Variants in C19orf38 observed in about 807,000 individuals in gnomAD.
The protein encoded by C19orf38 is chromosome 19 open reading frame 38.
Under a neutral mutation model 26.6 loss-of-function variants are expected in C19orf38, and 14 were observed. The observed-to-expected ratio is 0.53, with a 90% CI of 0.35 to 0.82. The LOEUF (loss-of-function observed/expected upper bound fraction) is 0.82, where lower values mean the gene tolerates loss of function less well. C19orf38 is among the 40% of genes least tolerant of loss of function. The pLI, the probability that C19orf38 is intolerant of heterozygous loss-of-function variation, is 0.01. For missense variants in C19orf38, 261 were observed against 299.5 expected, an observed-to-expected ratio of 0.87 and a Z score of 0.95; for synonymous variants, 132 against 128.5, an observed-to-expected ratio of 1.03 and a Z score of -0.18.
intron 5 of C19orf38, among the ~76,000 whole-genome samples, chr19:10,860,402 C>T (rs1045610224): frequency 8.6e-5 from 13 of 151,254 alleles, no homozygotes; most frequent in Admixed American, 4.0e-4. Flanking sequence ...GGTGTGGTGG[C>T]GGACACCTGT....
rs1443234173 is a variant in C19orf38, at chr19:10,859,370, ATATATATATATATATTT to A, written c.462-543_462-527del. Among the ~76,000 whole-genome samples the A allele has an allele frequency of 1.2e-3, 90 of 77,638 alleles. 1 individual carries two copies. Among genetic ancestry groups the A allele is most frequent in the East Asian group, 0.01 (17 of 1,684 alleles). 50.9% of individuals were successfully genotyped at this position (77,638 alleles called of 152,430 possible). On this transcript the variant is annotated intron_variant, in intron 4 of 6. Transcript: ENST00000397820. ...TGTGTATATATATATATATATATAT[ATATATATATATATATTT>A]TTTTTTTTTTTTTTAGACGGAGTCT... is the stretch of plus-strand genomic sequence containing the variant.
chr19:10,863,667 A>G (rs1201203647), intron 6 of C19orf38, among the ~76,000 whole-genome samples: 1 of 148,376 alleles, frequency 6.7e-6, no homozygotes, highest in African/African-American at 2.5e-5. Context: ...CACGTCTGTA[A>G]TCCCAGCACT....
chr19:10,859,246 G>A (rs1010626935), intron 4 of C19orf38, among the ~76,000 whole-genome samples: 65 of 9,942 alleles, frequency 6.5e-3, no homozygotes, highest in African/African-American at 0.023. Context: ...TTTTATATAT[G>A]TGTGTGTGTG....
At chr19:10,836,893 A>T (rs1228422737) in intron 1 of C19orf38, 1 of 152,252 alleles carries the variant, frequency 6.6e-6, no homozygotes, top group African/African-American at 2.4e-5. Context: ...TGGCCCCACC[A>T]TGCACCCCAA....
upstream of C19orf38, among the ~76,000 whole-genome samples, chr19:10,847,886 A>T (rs1413582239): frequency 2.0e-5 from 3 of 151,894 alleles, no homozygotes; most frequent in African/African-American, 7.2e-5. Context: ...CATTCCCAGG[A>T]GTTCTCTTAG....
intron 3 of C19orf38, 63 bp from the exon 4 acceptor site, chr19:10,858,249 AAAAC>A: frequency 1.0e-5 from 13 of 1,276,442 alleles, no homozygotes; most frequent in South Asian, 1.5e-5. Context: ...AAAAAAAAAA[AAAAC>A]AGAAATTGCC....
intron 2 of C19orf38, among the ~76,000 whole-genome samples, chr19:10,851,143 C>A (rs1294377603): frequency 6.6e-6 from 1 of 152,194 alleles, no homozygotes; most frequent in African/African-American, 2.4e-5. Flanking sequence ...CAGCCTCTGC[C>A]TCCTGGTTCA....
intron 6 of C19orf38, among the ~76,000 whole-genome samples, chr19:10,866,395 G>T (rs1021510097): frequency 1.4e-5 from 2 of 146,244 alleles, no homozygotes; most frequent in African/African-American, 5.1e-5. Flanking sequence ...TAGTAGAAGC[G>T]GAGTTTCTCC....
intron 5 of C19orf38, among the ~76,000 whole-genome samples, chr19:10,861,191 G>A (rs1233115463): frequency 1.3e-5 from 2 of 152,142 alleles, no homozygotes; most frequent in East Asian, 3.8e-4. Flanking sequence ...ATCATTGGGT[G>A]CTTGCATATT....
chr19:10,852,949 G>A (rs937279695), intron 2 of C19orf38, among the ~76,000 whole-genome samples: 6 of 151,132 alleles, frequency 4.0e-5, no homozygotes, highest in African/African-American at 1.5e-4. Flanking sequence ...AATGACCCAC[G>A]CCTATAAGCC....
intron 5 of C19orf38, chr19:10,860,232 C>T (rs1011569244): frequency 4.9e-5 from 19 of 391,590 alleles, no homozygotes; most frequent in South Asian, 7.5e-5. Flanking sequence ...TCTTACCCCT[C>T]GGTAGAAATA....
intron 5 of C19orf38, among the ~76,000 whole-genome samples, chr19:10,861,739 G>A (rs780813785): frequency 6.6e-5 from 10 of 151,836 alleles, no homozygotes; most frequent in Admixed American, 1.3e-4. Flanking sequence ...CACCATGCCC[G>A]GCTAATTTTT....
At chr19:10,861,879 C>CGCCCAG (rs2073701816) in intron 5 of C19orf38, among the ~76,000 whole-genome samples, 1 of 151,512 alleles carries the variant, frequency 6.6e-6, no homozygotes, top group Non-Finnish European at 1.5e-5. Context: ...TGAGCCACCG[C>CGCCCAG]CCTTTTGTTG....
intron 2 of C19orf38, among the ~76,000 whole-genome samples, chr19:10,855,030 CTTTTTTTTTTTT>C (rs33999724): frequency 5.1e-5 from 4 of 77,760 alleles, no homozygotes; most frequent in East Asian, 7.5e-4. Flanking sequence ...GATATATATT[CTTTTTTTTTTTT>C]TTTTTTTTTT....
intron 6 of C19orf38, among the ~76,000 whole-genome samples, chr19:10,868,025 T>C (rs565061018): frequency 1.3e-5 from 2 of 152,324 alleles, no homozygotes; most frequent in East Asian, 1.9e-4. Context: ...CATTCAATTG[T>C]TGATGGACAC....
chr19:10,836,979 T>A (rs2073436857), intron 1 of C19orf38, among the ~76,000 whole-genome samples: 1 of 152,120 alleles, frequency 6.6e-6, no homozygotes, highest in African/African-American at 2.4e-5. Flanking sequence ...ACAGCCCAGG[T>A]AGGAAGAGAT....
In C19orf38 at chr19:10,864,921, T is replaced by C. The variant is rs534186015; in HGVS notation, c.543+1714T>C. 2.6e-3 allele frequency among the ~76,000 whole-genome samples: 399 copies of C among 151,774 alleles called. 2 individuals are homozygous for C. Among genetic ancestry groups the C allele is most frequent in the Non-Finnish European group, 4.2e-3 (282 of 67,904 alleles). On this transcript the variant is annotated intron_variant, in intron 6 of 6. Coordinates refer to ENST00000397820, the MANE Select transcript of C19orf38 (RefSeq NM_001136482.3). ...GGGAGTCTACAGTTCAGGAGAGAGG[T>C]CAGTTCTAGAGATAGACTAGGAGTG... is the stretch of plus-strand genomic sequence containing the variant.
chr19:10,857,190 G>A (rs972874616), intron 3 of C19orf38, among the ~76,000 whole-genome samples: 1 of 150,846 alleles, frequency 6.6e-6, no homozygotes, highest in Non-Finnish European at 1.5e-5. Context: ...TCCTGCCTCA[G>A]CCTCCCAAAA....
upstream of C19orf38, among the ~76,000 whole-genome samples, chr19:10,847,029 A>G (rs2073523787): frequency 6.6e-6 from 1 of 152,182 alleles, no homozygotes; most frequent in African/African-American, 2.4e-5. Context: ...GTTTACTCTA[A>G]TGACGCATTT....
Sources: gnomAD v4.1 joint callset for allele counts (sites outside exome capture counted in the v4.1 genomes callset) on GRCh38, gnomAD v4.1.1 for gene constraint, MANE v1.5 for transcripts, NCBI Gene and HGNC (gene_info 2026-07-23, HGNC 2026-07-21) for gene names.